ZC3H6: variants seen among roughly 807,000 people sequenced by gnomAD.
The protein encoded by ZC3H6 is zinc finger CCCH domain-containing protein 6.
A neutral mutation model predicts 107.7 loss-of-function variants in ZC3H6; 40 were observed. The ratio of observed to expected loss-of-function variants is 0.37; its 90% CI spans 0.29 to 0.48. The LOEUF (loss-of-function observed/expected upper bound fraction) is 0.48, where lower values mean the gene tolerates loss of function less well. Ranked by LOEUF, ZC3H6 falls within the 20% of genes least tolerant of loss-of-function variation. ZC3H6 has a pLI of 0.98. For missense variants in ZC3H6, 1,267 were observed against 1,410.4 expected, an observed-to-expected ratio of 0.90 and a Z score of 1.63; for synonymous variants, 493 against 487.9, an observed-to-expected ratio of 1.01 and a Z score of -0.14.
intron 1 of ZC3H6, among the ~76,000 whole-genome samples, chr2:112,297,291 T>C (rs1295048466): frequency 6.6e-6 from 1 of 152,214 alleles, no homozygotes; most frequent in East Asian, 1.9e-4. Flanking sequence ...ATCATATCAT[T>C]GAAGATTTAT....
At chr2:112,330,208 G>A (rs1353456905) in intron 11 of ZC3H6, among the ~76,000 whole-genome samples, 3 of 151,772 alleles carry the variant, frequency 2.0e-5, no homozygotes, top group Admixed American at 1.3e-4. Context: ...GCCCGCCACC[G>A]TGCACGGCTA....
In ZC3H6 at chr2:112,324,260, T is replaced by C. The variant is rs1573964283; in HGVS notation, c.1449T>C (p.Pro483=). The part of the protein sequence containing the change: ...YSSGSSPGPG[P]NMSQGHSSPV... ...CTGGGTCAAGTCCAGGTCCTGGACC[T>C]AACATGTCTCAGGGACACAGTAGTC... Residue 483 remains proline, a synonymous_variant, in exon 10 of 12, where the codon CCT becomes CCC. Coordinates refer to ENST00000409871, the MANE Select transcript of ZC3H6 (RefSeq NM_198581.3). The C allele has an allele frequency of 6.2e-7, 1 of 1,613,912 alleles. No individual in the cohort carries two copies. Among genetic ancestry groups the C allele is most frequent in the Non-Finnish European group, 8.5e-7 (1 of 1,179,774 alleles).
intron 5 of ZC3H6, among the ~76,000 whole-genome samples, chr2:112,313,908 C>A (rs1277531894): frequency 6.6e-6 from 1 of 152,090 alleles, no homozygotes; most frequent in Non-Finnish European, 1.5e-5. Context: ...AGAGTAGTCA[C>A]AAAGAAGCAA....
chr2:112,305,144 A>C (rs1676452624), intron 3 of ZC3H6, among the ~76,000 whole-genome samples: 1 of 152,212 alleles, frequency 6.6e-6, no homozygotes, highest in Non-Finnish European at 1.5e-5. Context: ...TTAATTCAGC[A>C]ACACTGATAT....
chr2:112,312,048 T>C (rs1655424208), intron 5 of ZC3H6, 111 bp downstream of exon 5: 3 of 1,123,260 alleles, frequency 2.7e-6, no homozygotes, highest in East Asian at 5.4e-5. Flanking sequence ...AATGAAAAAT[T>C]ACCAGCTCAG....
chr2:112,331,514 A>G lies in ZC3H6; in HGVS notation c.2596A>G (p.Ile866Val). The G allele has an allele frequency of 6.2e-7, 1 of 1,613,996 alleles. No individual in the cohort carries two copies. Among genetic ancestry groups the G allele is most frequent in the South Asian group, 1.1e-5 (1 of 91,080 alleles). Residue 866 changes from isoleucine (I) to valine (V), a missense_variant, in exon 12 of 12, where the codon ATT (isoleucine) becomes GTT (valine). Ile to Val is a conservative substitution (Grantham distance 29). Transcript: ENST00000409871. ...ACAGTTCAGTCACATTAAAATGGAC[A>G]TTACTCTAACCAAACCCAACTTTGC... The part of the protein sequence containing the change: ...LRQFSHIKMD[I>V]TLTKPNFAKH...
intron 1 of ZC3H6, among the ~76,000 whole-genome samples, chr2:112,298,705 T>C (rs1676297816): frequency 6.6e-6 from 1 of 152,236 alleles, no homozygotes; most frequent in Non-Finnish European, 1.5e-5. Flanking sequence ...CAAATGAATA[T>C]ACAGCCATGA....
At chr2:112,327,980 C>T (rs1338222113) in intron 11 of ZC3H6, among the ~76,000 whole-genome samples, 2 of 152,056 alleles carry the variant, frequency 1.3e-5, no homozygotes, top group African/African-American at 4.8e-5. Flanking sequence ...ACCTCTGCCT[C>T]CTAGGTTCAT....
chr2:112,280,480 G>T (rs1453322945), intron 1 of ZC3H6, among the ~76,000 whole-genome samples: 1 of 151,864 alleles, frequency 6.6e-6, no homozygotes, highest in East Asian at 1.9e-4. Flanking sequence ...AGACTTAACA[G>T]TGTTTCGTCT....
Position 112,333,820 on chromosome 2 carries a change from A to G in ZC3H6, c.*1332A>G, listed in dbSNP as rs992512565. 2 of 152,128 alleles carry G rather than the reference A, an allele frequency of 1.3e-5. No individual in the cohort carries two copies. The highest frequency in any genetic ancestry group is 4.8e-5 in the African/African-American group (2 of 41,454). 9.4% of individuals were successfully genotyped at this position (152,128 alleles called of 1,614,324 possible). A position where few individuals can be genotyped will look rare whatever the true frequency, so the allele number is the denominator to read the frequency against. ...ACTATAAAAGATAATGAAGTAGGTAATGAAATCAGTCCTTGAATGAAAGCA... is the reference window on the plus strand; with the variant it reads ...ACTATAAAAGATAATGAAGTAGGTAGTGAAATCAGTCCTTGAATGAAAGCA... On this transcript the variant is annotated 3_prime_UTR_variant, in exon 12 of 12. Coordinates refer to ENST00000409871, the MANE Select transcript of ZC3H6 (RefSeq NM_198581.3).
chr2:112,317,723 A>G lies in ZC3H6; in HGVS notation c.976+391A>G, dbSNP rs1247013536. 3.9e-5 allele frequency among the ~76,000 whole-genome samples: 6 copies of G among 152,318 alleles called. No homozygotes were observed. The South Asian group carries it at 8.3e-4, about 21-fold the overall frequency. On this transcript the variant is annotated intron_variant, in intron 7 of 11. Transcript: ENST00000409871. ...AAGTCTTATCAAATCTTACCACTCA[A>G]TGATAGATGCTGTATATTCTTCCCC...
At chr2:112,287,026 A>G (rs200989879) in intron 1 of ZC3H6, among the ~76,000 whole-genome samples, 1 of 152,188 alleles carries the variant, frequency 6.6e-6, no homozygotes, top group Non-Finnish European at 1.5e-5. Flanking sequence ...GGATATTACT[A>G]GGTAACAGGC....
chr2:112,278,428 C>T (rs1237335771), intron 1 of ZC3H6, among the ~76,000 whole-genome samples: 1 of 152,210 alleles, frequency 6.6e-6, no homozygotes, highest in Non-Finnish European at 1.5e-5. Flanking sequence ...CACCATTCTC[C>T]TGCCTCAGCC....
At chr2:112,298,532 A>C (rs898490767) in intron 1 of ZC3H6, among the ~76,000 whole-genome samples, 19 of 152,372 alleles carry the variant, frequency 1.2e-4, no homozygotes, top group African/African-American at 4.6e-4. Context: ...TGAGCATGGT[A>C]ATTTCTGTAG....
In ZC3H6 at chr2:112,322,637, A is replaced by G. The variant is rs751659984; in HGVS notation, c.1087-12A>G. 1.3e-6 allele frequency: 2 copies of G among 1,577,042 alleles called. No homozygotes were observed. The highest frequency in any genetic ancestry group is 1.4e-5 in the African/African-American group (1 of 72,702). ...TCGCTTTGAAATAGTAATCTTTGCC[A>G]ATTATTTTTAGGTGTTGAATACTGA... On this transcript the variant is annotated splice_polypyrimidine_tract_variant and intron_variant, in intron 8 of 11. Coordinates refer to ENST00000409871, the MANE Select transcript of ZC3H6 (RefSeq NM_198581.3).
Position 112,324,497 on chromosome 2 carries a change from A to T in ZC3H6, c.1686A>T (p.Lys562Asn), listed in dbSNP as rs1164140710. 1 of 1,613,492 alleles carries T rather than the reference A, an allele frequency of 6.2e-7. No individual in the cohort carries two copies. The highest frequency in any genetic ancestry group is 8.5e-7 in the Non-Finnish European group (1 of 1,179,718). ...HSPGFPGHVM[K>N]VPRENHCSPG... ...CAGGCTTTCCAGGACATGTGATGAAAGTACCCAGAGAGAATCACTGTTCTC... is the reference window on the plus strand; with the variant it reads ...CAGGCTTTCCAGGACATGTGATGAATGTACCCAGAGAGAATCACTGTTCTC... The change falls in exon 10 of 12, where the codon AAA (lysine) becomes AAT (asparagine). Residue 562 changes from lysine (K) to asparagine (N), a missense_variant. Transcript: ENST00000409871.
chr2:112,316,901 C>G (rs891766135), intron 6 of ZC3H6, among the ~76,000 whole-genome samples: 1 of 152,124 alleles, frequency 6.6e-6, no homozygotes, highest in Non-Finnish European at 1.5e-5. Context: ...GTTATTATCC[C>G]CATTTTATTC....
intron 1 of ZC3H6, among the ~76,000 whole-genome samples, chr2:112,279,021 C>T (rs530113795): frequency 1.3e-5 from 2 of 152,286 alleles, no homozygotes; most frequent in South Asian, 2.1e-4. Context: ...TATTTTCACA[C>T]CTGGAGTTAA....
At position 112,331,390 on chromosome 2, in the gene ZC3H6, T is replaced by C. The variant is rs1160072007; in HGVS notation, c.2472T>C (p.Asp824=). The part of the protein sequence containing the change: ...TNVKHKRGDD[D]DEDTERELRE... ...TCAAACACAAAAGAGGCGATGATGA[T>C]GATGAAGATACAGAAAGAGAACTGA... The change falls in exon 12 of 12, where the codon GAT becomes GAC. Residue 824 remains aspartate, a synonymous_variant. Transcript: ENST00000409871. 1.2e-6 allele frequency: 2 copies of C among 1,613,664 alleles called. No individual in the cohort carries two copies. Among genetic ancestry groups the C allele is most frequent in the Non-Finnish European group, 8.5e-7 (1 of 1,179,848 alleles).
Sources: gnomAD v4.1 joint callset for allele counts (sites outside exome capture counted in the v4.1 genomes callset) on GRCh38, gnomAD v4.1.1 for gene constraint, MANE v1.5 for transcripts, NCBI Gene and HGNC (gene_info 2026-07-23, HGNC 2026-07-21) for gene names.